JARID2: variants seen among roughly 807,000 people sequenced by gnomAD.
JARID2 encodes the protein jumonji and AT-rich interaction domain containing 2, also known as protein Jumonji.
JARID2 carries 21 observed loss-of-function variants against 125.6 expected under a neutral mutation model. The observed-to-expected ratio is 0.17, with a 90% confidence interval of 0.12 to 0.24. JARID2 has a LOEUF of 0.24. Among genes scored for constraint, JARID2 ranks in the 10% least tolerant of loss-of-function variants. The pLI, the probability that JARID2 is intolerant of heterozygous loss-of-function variation, is 1.00. For missense variants in JARID2, 1,303 were observed against 1,639.6 expected (o/e 0.79, Z 3.55); for synonymous variants, 736 against 661.6 (o/e 1.11, Z -1.73).
chr6:15,497,019 G>A lies in JARID2; in HGVS notation c.1794G>A (p.Glu598=), dbSNP rs138280342. 1.2e-6 allele frequency: 2 copies of A among 1,613,786 alleles called. No homozygotes were observed. Among genetic ancestry groups the A allele is most frequent in the East Asian group, 4.5e-5 (2 of 44,864 alleles). The change falls in exon 7 of 18, where the codon GAG becomes GAA. Residue 598 remains glutamate (E), a synonymous_variant. Coordinates refer to ENST00000341776, the MANE Select transcript of JARID2 (RefSeq NM_004973.4). The part of the protein sequence containing the change: ...RVIPPPDWRP[E]CKLNDEMRFV... The stretch of plus-strand genomic sequence containing the variant: ...TCCCCCCTCCGGACTGGCGGCCCGA[G>A]TGCAAGCTCAACGATGAGATGCGGT...
intron 1 of JARID2, among the ~76,000 whole-genome samples, chr6:15,334,613 A>G (rs1341749049): frequency 6.6e-6 from 1 of 152,184 alleles, no homozygotes; most frequent in African/African-American, 2.4e-5. Flanking sequence ...GCTTTGGGGT[A>G]CCAGCTTTCT....
intron 2 of JARID2, chr6:15,400,960 C>T (rs542900668): frequency 4.8e-5 from 62 of 1,289,486 alleles, no homozygotes; most frequent in Admixed American, 1.1e-4. Context: ...GATGGCTGCT[C>T]CACGGGTCTG....
chr6:15,485,157 G>A (rs980536323), intron 5 of JARID2, among the ~76,000 whole-genome samples: 2 of 152,174 alleles, frequency 1.3e-5, no homozygotes, highest in Non-Finnish European at 2.9e-5. Flanking sequence ...TGCAACGTCG[G>A]ATTGTATCCC....
chr6:15,387,567 C>T (rs1301894076), intron 2 of JARID2, among the ~76,000 whole-genome samples: 1 of 152,172 alleles, frequency 6.6e-6, no homozygotes, highest in Non-Finnish European at 1.5e-5. Context: ...GGGGTTAGAG[C>T]TTCAACAGAA....
chr6:15,437,723 G>A lies in JARID2; in HGVS notation c.324-14283G>A, dbSNP rs527947632. Reference sequence around the variant, plus strand: ...AGAATTTACCATCCTAGAATCGCTTGAACCCGGGAGGCGGAGGTTGCAGTG... The same window carrying A: ...AGAATTTACCATCCTAGAATCGCTTAAACCCGGGAGGCGGAGGTTGCAGTG... On this transcript the variant is annotated intron_variant, in intron 3 of 17. Coordinates refer to ENST00000341776, the MANE Select transcript of JARID2 (RefSeq NM_004973.4). Among the ~76,000 whole-genome samples, 20 of 152,074 alleles carry A rather than the reference G, an allele frequency of 1.3e-4. No homozygotes were observed. In the South Asian group the frequency reaches 4.0e-3, roughly 30 times the overall value.
intron 5 of JARID2, among the ~76,000 whole-genome samples, chr6:15,483,923 A>T (rs551038175): frequency 2.0e-5 from 3 of 152,230 alleles, no homozygotes; most frequent in African/African-American, 7.2e-5. Flanking sequence ...CATCTTTATG[A>T]TATGACTTTA....
At chr6:15,316,979 T>A (rs907144006) in intron 1 of JARID2, among the ~76,000 whole-genome samples, 3 of 152,246 alleles carry the variant, frequency 2.0e-5, no homozygotes, top group Non-Finnish European at 4.4e-5. Context: ...ACCTTTGTTA[T>A]AGAGTTGCTG....
intron 3 of JARID2, among the ~76,000 whole-genome samples, chr6:15,420,576 C>G (rs1766441476): frequency 6.6e-6 from 1 of 152,208 alleles, no homozygotes; most frequent in East Asian, 1.9e-4. Context: ...ATTAATCTTC[C>G]TCCTCATCAG....
intron 1 of JARID2, among the ~76,000 whole-genome samples, chr6:15,269,795 A>G (rs907053564): frequency 1.3e-5 from 2 of 152,162 alleles, no homozygotes; most frequent in Non-Finnish European, 2.9e-5. Context: ...TACTGGCTAT[A>G]TAGACCACAG....
intron 1 of JARID2, among the ~76,000 whole-genome samples, chr6:15,256,916 C>T (rs930534176): frequency 1.4e-4 from 22 of 152,138 alleles, no homozygotes; most frequent in African/African-American, 4.1e-4. Context: ...TGGAGTATTT[C>T]GAGTACTACT....
At chr6:15,417,646 A>T (rs575315609) in intron 3 of JARID2, among the ~76,000 whole-genome samples, 11 of 152,256 alleles carry the variant, frequency 7.2e-5, no homozygotes, top group African/African-American at 2.6e-4. Context: ...GGAGGGTGAG[A>T]TGAGAGGATC....
chr6:15,269,646 A>G (rs933725816), intron 1 of JARID2, among the ~76,000 whole-genome samples: 2 of 151,286 alleles, frequency 1.3e-5, no homozygotes, highest in African/African-American at 4.9e-5. Context: ...CCTAGCCTCA[A>G]TCATCCCACC....
At chr6:15,515,244 A>AC (rs1281527657) in intron 16 of JARID2, among the ~76,000 whole-genome samples, 17 of 151,018 alleles carry the variant, frequency 1.1e-4, no homozygotes, top group African/African-American at 4.1e-4. Context: ...TTTTGCTGTT[A>AC]CCCATAGGCT....
intron 2 of JARID2, among the ~76,000 whole-genome samples, chr6:15,397,265 G>A (rs1765253165): frequency 1.3e-5 from 2 of 152,090 alleles, no homozygotes; most frequent in Non-Finnish European, 2.9e-5. Context: ...ATGTGATATG[G>A]TCAATACTAC....
intron 1 of JARID2, among the ~76,000 whole-genome samples, chr6:15,297,629 ACCGTGCTTGGCC>A (rs1761462320): frequency 6.6e-6 from 1 of 152,062 alleles, no homozygotes; most frequent in South Asian, 2.1e-4. Context: ...GGCATGAGCC[ACCGTGCTTGGCC>A]AGCAACTAGC....
chr6:15,496,065 G>A, intron 6 of JARID2, 67 bp from the exon 7 acceptor site: 7 of 1,354,828 alleles, frequency 5.2e-6, no homozygotes, highest in Non-Finnish European at 7.2e-6. Flanking sequence ...TCACGGGTGG[G>A]CCGGTCATTT....
At chr6:15,367,756 G>A (rs1367284117) in intron 1 of JARID2, among the ~76,000 whole-genome samples, 1 of 152,220 alleles carries the variant, frequency 6.6e-6, no homozygotes, top group Non-Finnish European at 1.5e-5. Context: ...GAGAAATCAT[G>A]ATTATTAAAT....
intron 2 of JARID2, among the ~76,000 whole-genome samples, chr6:15,404,658 G>A (rs1765578962): frequency 6.6e-6 from 1 of 152,124 alleles, no homozygotes; most frequent in African/African-American, 2.4e-5. Flanking sequence ...CAGTGACAGG[G>A]TGACAGACGG....
intron 5 of JARID2, among the ~76,000 whole-genome samples, chr6:15,483,211 TGCACA>T (rs1371705733): frequency 6.6e-6 from 1 of 152,222 alleles, no homozygotes. Context: ...GCCCAAAACT[TGCACA>T]ATCACACAAG....
Sources: gnomAD v4.1 joint callset for allele counts (sites outside exome capture counted in the v4.1 genomes callset) on GRCh38, gnomAD v4.1.1 for gene constraint, MANE v1.5 for transcripts, NCBI Gene and HGNC (gene_info 2026-07-23, HGNC 2026-07-21) for gene names.